Variants in KLHL17 observed in about 807,000 individuals in gnomAD.
The protein encoded by KLHL17 is kelch like family member 17.
Under a neutral mutation model 64.6 loss-of-function variants are expected in KLHL17, and 71 were observed. The ratio of observed to expected loss-of-function variants is 1.10; its 90% CI spans 0.91 to 1.34. The LOEUF (loss-of-function observed/expected upper bound fraction) is 1.34, where lower values mean the gene tolerates loss of function less well. KLHL17 is among the 40% of genes most tolerant of loss of function. The pLI is 0.00. For missense variants in KLHL17, 1,140 were observed against 935.0 expected, an observed-to-expected ratio of 1.22 and a Z score of -2.86; for synonymous variants, 612 against 405.4, an observed-to-expected ratio of 1.51 and a Z score of -6.12.
In KLHL17 at chr1:961,340, C is replaced by G. The variant is rs1305176293; in HGVS notation, c.155C>G (p.Pro52Arg). ...TRPRQARPAA[P>R]MEGAVQLLSR... ...CCCCGGCAGGCTCGGCCCGCAGCCC[C>G]CATGGAGGGAGCCGTGCAGCTGCTG... The change falls in exon 2 of 12, where the codon CCC becomes CGC. Residue 52 changes from proline to arginine, a missense_variant. Pro to Arg is a moderately radical substitution (Grantham distance 103, BLOSUM62 -2). Coordinates refer to ENST00000338591, the MANE Select transcript of KLHL17 (RefSeq NM_198317.3). The G allele has an allele frequency of 2.6e-6, 4 of 1,566,544 alleles. No individual in the cohort carries two copies. Among genetic ancestry groups the G allele is most frequent in the African/African-American group, 1.4e-5 (1 of 73,988 alleles).
At chr1:962,639 GTC>G in intron 5 of KLHL17, 63 bp from the exon 6 acceptor site, 1 of 1,531,100 alleles carries the variant, frequency 6.5e-7, no homozygotes, top group Non-Finnish European at 8.7e-7. Context: ...CTGGGGGGTT[GTC>G]TCAGCCCTGA....
chr1:962,200 C>G, intron 4 of KLHL17, 153 bp downstream of exon 4: 1 of 1,338,498 alleles, frequency 7.5e-7, no homozygotes, highest in South Asian at 1.2e-5. Flanking sequence ...TCTGGGCCCC[C>G]CAGGAGCCTC....
Position 965,386 on chromosome 1 carries a change from A to G in KLHL17, c.*195A>G. On this transcript the variant is annotated 3_prime_UTR_variant, in exon 12 of 12. Transcript: ENST00000338591. ...GCCACGGCTGCCCGTTTACACCTTT[A>G]GCGTCTGGTCCTCCTGCGTGTCCTC... 7 of 602,468 alleles carry G rather than the reference A, an allele frequency of 1.2e-5. No homozygotes were observed. The highest frequency in any genetic ancestry group is 8.4e-5 in the South Asian group (4 of 47,844). The allele number at this position is 602,468 out of a possible 1,614,324, so 37.3% of individuals were successfully genotyped here.
At chr1:964,705 C>G (rs1472504826) in intron 11 of KLHL17, among the ~76,000 whole-genome samples, 175 bp downstream of exon 11, 1 of 332 alleles carries the variant, frequency 3.0e-3, no homozygotes, top group South Asian at 0.024. Flanking sequence ...GGGAGGGGGG[C>G]GCGGGTCCGC....
rs1439273751 is a variant in KLHL17 at position 962,450 on chromosome 1, C to T, written c.807C>T (p.Ala269=). ...VLSWVKHDVD[A]RRQHVPRLMK... is the part of the protein sequence containing the mutation. ...GCTGGGTGAAACACGACGTGGACGC[C>T]CGCAGGCAGCATGTCCCACGGGTGA... Residue 269 remains alanine (A), a synonymous_variant, in exon 5 of 12, where the codon GCC becomes GCT. Transcript: ENST00000338591. 4 of 1,612,550 alleles carry T rather than the reference C, an allele frequency of 2.5e-6. No individual in the cohort carries two copies. The highest frequency in any genetic ancestry group is 3.4e-6 in the Non-Finnish European group (4 of 1,179,914).
Position 961,984 on chromosome 1 carries a change from C to T in KLHL17, c.648C>T (p.Tyr216=), listed in dbSNP as rs774935555. The T allele has an allele frequency of 1.7e-5, 27 of 1,612,830 alleles. No individual in the cohort carries two copies. Among genetic ancestry groups the T allele is most frequent in the South Asian group, 6.6e-5 (6 of 91,092 alleles). The part of the protein sequence containing the change: ...CSDLLKAAHR[Y]VLQHFVDVAK... Reference sequence around the variant, plus strand: ...ACCTGCTCAAGGCCGCCCACAGGTACGTGCTGCAGCACTTCGTGGACGTGG... The same window carrying T: ...ACCTGCTCAAGGCCGCCCACAGGTATGTGCTGCAGCACTTCGTGGACGTGG... The change falls in exon 4 of 12, where the codon TAC becomes TAT. Residue 216 remains tyrosine, a synonymous_variant. Transcript: ENST00000338591.
chr1:963,803 G>A (rs774505588), intron 8 of KLHL17, 117 bp from the exon 9 acceptor site: 17 of 1,198,210 alleles, frequency 1.4e-5, no homozygotes, highest in African/African-American at 8.9e-5. Flanking sequence ...AGGACTTTGC[G>A]GTCTGAGTTT....
chr1:961,172 G>A (rs1455758373), intron 1 of KLHL17, 121 bp from the exon 2 acceptor site: 5 of 675,172 alleles, frequency 7.4e-6, no homozygotes, highest in African/African-American at 1.9e-5. Flanking sequence ...TCAGGCGAGG[G>A]CTGCCGGCGC....
At position 961,927 on chromosome 1, in the gene KLHL17, C is replaced by T. The variant is rs555070541; in HGVS notation, c.591C>T (p.Ile197=). The change falls in exon 4 of 12, where the codon ATC becomes ATT. Residue 197 remains isoleucine, a synonymous_variant. Transcript: ENST00000338591. The part of the protein sequence containing the change: ...SQLDPSNCLG[I]RGFADAHSCS... ...TCGACCCCTCCAACTGCCTGGGTATCCGGGGCTTTGCCGATGCGCACTCCT... is the reference window on the plus strand; with the variant it reads ...TCGACCCCTCCAACTGCCTGGGTATTCGGGGCTTTGCCGATGCGCACTCCT... 2 of 1,612,950 alleles carry T rather than the reference C, an allele frequency of 1.2e-6. No homozygotes were observed. Among genetic ancestry groups the T allele is most frequent in the Admixed American group, 1.7e-5 (1 of 60,034 alleles).
In KLHL17 at chr1:965,603, G is replaced by A. The variant is rs1163466640; in HGVS notation, c.*412G>A. 1 of 214,820 alleles carries A rather than the reference G, an allele frequency of 4.7e-6. No individual in the cohort carries two copies. Among genetic ancestry groups the A allele is most frequent in the South Asian group, 1.0e-4 (1 of 9,800 alleles). 13.3% of individuals were successfully genotyped at this position (214,820 alleles called of 1,614,324 possible). ...AGGGTGGGGAGCAGTTGTCCTTCCT[G>A]TCGTCGTCTGCCGTGTGCCATCTTT... On this transcript the variant is annotated 3_prime_UTR_variant, in exon 12 of 12. Transcript: ENST00000338591.
chr1:965,162 A>G lies in KLHL17; in HGVS notation c.1900A>G (p.Thr634Ala). 1 of 1,612,256 alleles carries G rather than the reference A, an allele frequency of 6.2e-7. No homozygotes were observed. Among genetic ancestry groups the G allele is most frequent in the Non-Finnish European group, 8.5e-7 (1 of 1,179,780 alleles). Residue 634 changes from threonine to alanine, a missense_variant, in exon 12 of 12, where the codon ACG becomes GCG. Transcript: ENST00000338591. Reference protein sequence around the residue: ...LLNFPPPSSPTLSVSSTSL With the variant: ...LLNFPPPSSPALSVSSTSL ...CAATTTCCCGCCGCCATCCTCCCCG[A>G]CGCTGTCCGTGTCCTCCACCAGCCT...
chr1:962,938 C>G lies in KLHL17; in HGVS notation c.1042+21C>G, dbSNP rs559100732. ...TGTGGGTATGGCCCCCCGCCCGTTTCCCTCTTGCCCTGTGCCTTCTACTCC... is the reference window on the plus strand; with the variant it reads ...TGTGGGTATGGCCCCCCGCCCGTTTGCCTCTTGCCCTGTGCCTTCTACTCC... On this transcript the variant is annotated intron_variant, in intron 6 of 11. Coordinates refer to ENST00000338591, the MANE Select transcript of KLHL17 (RefSeq NM_198317.3). The G allele has an allele frequency of 7.2e-6, 11 of 1,531,228 alleles. No individual in the cohort carries two copies. In the African/African-American group the frequency reaches 1.5e-4, roughly 21 times the overall value. 94.9% of individuals were successfully genotyped at this position (1,531,228 alleles called of 1,614,324 possible). A position where few individuals can be genotyped will look rare whatever the true frequency, so the allele number is the denominator to read the frequency against.
intron 5 of KLHL17, 116 bp from the exon 6 acceptor site, chr1:962,588 C>T (rs1642708613): frequency 2.6e-6 from 4 of 1,523,750 alleles, no homozygotes; most frequent in African/African-American, 1.4e-5. Flanking sequence ...GGTGCCCCCA[C>T]CTGTCTGAAG....
Position 964,396 on chromosome 1 carries a change from A to G in KLHL17, c.1566A>G (p.Ser522=). ...PVASMLSRRS[S]AGVAVLEGAL... ...CGTCCATGCTGAGCCGACGCAGCTCAGCGGGCGTGGCCGTGCTGGAGGGTG... is the reference window on the plus strand; with the variant it reads ...CGTCCATGCTGAGCCGACGCAGCTCGGCGGGCGTGGCCGTGCTGGAGGGTG... The change falls in exon 11 of 12, where the codon TCA becomes TCG. Residue 522 remains serine, a synonymous_variant. Coordinates refer to ENST00000338591, the MANE Select transcript of KLHL17 (RefSeq NM_198317.3). 6.4e-7 allele frequency: 1 copy of G among 1,557,492 alleles called. No individual in the cohort carries two copies. The highest frequency in any genetic ancestry group is 8.7e-7 in the Non-Finnish European group (1 of 1,151,532).
chr1:961,248 G>C (rs765433473), intron 1 of KLHL17, 45 bp from the exon 2 acceptor site: 6 of 1,313,976 alleles, frequency 4.6e-6, no homozygotes, highest in Non-Finnish European at 3.9e-6. Flanking sequence ...CAGGGCGGGC[G>C]GGCGGCTCCA....
chr1:961,322 A>G lies in KLHL17; in HGVS notation c.137A>G (p.Gln46Arg). 2 of 1,536,544 alleles carry G rather than the reference A, an allele frequency of 1.3e-6. No individual in the cohort carries two copies. The highest frequency in any genetic ancestry group is 1.7e-6 in the Non-Finnish European group (2 of 1,147,424). The stretch of plus-strand genomic sequence containing the variant: ...GAGGCAGAGCGCACGCGGCCCCGGC[A>G]GGCTCGGCCCGCAGCCCCCATGGAG... ...APEAERTRPR[Q>R]ARPAAPMEGA... Residue 46 changes from glutamine to arginine, a missense_variant, in exon 2 of 12, where the codon CAG becomes CGG. Coordinates refer to ENST00000338591, the MANE Select transcript of KLHL17 (RefSeq NM_198317.3).
Position 962,407 on chromosome 1 carries a change from T to G in KLHL17, c.764T>G (p.Val255Gly). The G allele has an allele frequency of 1.2e-6, 2 of 1,612,508 alleles. No individual in the cohort carries two copies. The highest frequency in any genetic ancestry group is 1.7e-6 in the Non-Finnish European group (2 of 1,179,868). The change falls in exon 5 of 12, where the codon GTC becomes GGC. Residue 255 changes from valine (V) to glycine (G), a missense_variant. Transcript: ENST00000338591. ...CTGAACGTGCCTTCAGAGGAGGAGGTCTACCGAGCCGTCCTGAGCTGGGTG... is the reference window on the plus strand; with the variant it reads ...CTGAACGTGCCTTCAGAGGAGGAGGGCTACCGAGCCGTCCTGAGCTGGGTG... Reference protein sequence around the residue: ...DSLNVPSEEEVYRAVLSWVKH... With the variant: ...DSLNVPSEEEGYRAVLSWVKH...
chr1:962,193 G>A lies in KLHL17; in HGVS notation c.711+146G>A, dbSNP rs763325166. The A allele has an allele frequency of 1.1e-5, 14 of 1,296,254 alleles. No homozygotes were observed. In the East Asian group the frequency reaches 3.5e-4, roughly 33 times the overall value. 80.3% of individuals were successfully genotyped at this position (1,296,254 alleles called of 1,614,324 possible). On this transcript the variant is annotated intron_variant, in intron 4 of 11. Transcript: ENST00000338591. ...GTGTCCCCGAGACCTTTCTGGATCT[G>A]GGCCCCCCAGGAGCCTCGTCTGTGG...
At position 961,585 on chromosome 1, in the gene KLHL17, C is replaced by T. The variant is rs574052453; in HGVS notation, c.367+33C>T. 9.0e-4 allele frequency: 1,453 copies of T among 1,612,714 alleles called. 28 individuals carry two copies. The South Asian group carries it at 0.015, about 17-fold the overall frequency. ...CCCGCCTGGGCGGCGCTGGGGGCTC[C>T]GTGGGTCCCTCGGGTCAGCTCGTGT... is the stretch of plus-strand genomic sequence containing the variant. On this transcript the variant is annotated intron_variant, in intron 2 of 11. Coordinates refer to ENST00000338591, the MANE Select transcript of KLHL17 (RefSeq NM_198317.3).
Sources: allele counts gnomAD v4.1 joint callset (sites outside exome capture counted in the v4.1 genomes callset), GRCh38; gene constraint gnomAD v4.1.1; transcripts MANE v1.5; gene names NCBI Gene and HGNC (gene_info 2026-07-23, HGNC 2026-07-21).